Variants in GABRB1 observed in about 807,000 individuals in gnomAD.
GABRB1 encodes the protein gamma-aminobutyric acid receptor subunit beta-1.
Under a neutral mutation model 51.6 loss-of-function variants are expected in GABRB1, and 17 were observed. The ratio of observed to expected loss-of-function variants is 0.33; its 90% CI spans 0.23 to 0.49. The LOEUF (loss-of-function observed/expected upper bound fraction) is 0.49, where lower values mean the gene tolerates loss of function less well. Ranked by LOEUF, GABRB1 falls within the 20% of genes least tolerant of loss-of-function variation. The pLI, the probability that GABRB1 is intolerant of heterozygous loss-of-function variation, is 0.99. For synonymous variants in GABRB1, 247 were observed against 218.9 expected, an observed-to-expected ratio of 1.13 and a Z score of -1.14; for missense variants, 410 against 600.6, an observed-to-expected ratio of 0.68 and a Z score of 3.32.
intron 4 of GABRB1, among the ~76,000 whole-genome samples, chr4:47,302,877 A>G (rs933344421): frequency 1.3e-5 from 2 of 151,906 alleles, no homozygotes; most frequent in East Asian, 1.9e-4. Context: ...GTTTATCATG[A>G]CTTTTATTAT....
intron 4 of GABRB1, among the ~76,000 whole-genome samples, chr4:47,168,997 A>G (rs1718324734): frequency 6.6e-6 from 1 of 152,020 alleles, no homozygotes; most frequent in Non-Finnish European, 1.5e-5. Context: ...ATCACCAGTC[A>G]TATTGGATTA....
intron 3 of GABRB1, among the ~76,000 whole-genome samples, chr4:47,119,272 C>A (rs972258454): frequency 6.6e-6 from 1 of 151,730 alleles, no homozygotes; most frequent in Non-Finnish European, 1.5e-5. Context: ...TATTATACCC[C>A]AAATAAATTT....
chr4:47,202,966 T>G (rs927894812), intron 4 of GABRB1, among the ~76,000 whole-genome samples: 1 of 152,120 alleles, frequency 6.6e-6, no homozygotes, highest in Non-Finnish European at 1.5e-5. Flanking sequence ...GTCTATGAAG[T>G]TGGCAAGGGT....
intron 8 of GABRB1, among the ~76,000 whole-genome samples, chr4:47,417,302 A>G (rs1033846913): frequency 7.9e-5 from 12 of 152,030 alleles, no homozygotes; most frequent in African/African-American, 2.2e-4. Flanking sequence ...TATTTCCTGA[A>G]TAATATAATT....
At chr4:47,396,477 A>G (rs1011017826) in intron 5 of GABRB1, among the ~76,000 whole-genome samples, 1 of 152,218 alleles carries the variant, frequency 6.6e-6, no homozygotes, top group Admixed American at 6.5e-5. Flanking sequence ...ATTTTAATGA[A>G]TAATCCTGTA....
chr4:47,321,171 T>C (rs1725068446), intron 5 of GABRB1, among the ~76,000 whole-genome samples: 5 of 152,238 alleles, frequency 3.3e-5, no homozygotes. Context: ...AACATTACTA[T>C]AGTACCACTT....
At chr4:47,033,773 T>C (rs1228572151) in intron 3 of GABRB1, among the ~76,000 whole-genome samples, 1 of 152,216 alleles carries the variant, frequency 6.6e-6, no homozygotes, top group Non-Finnish European at 1.5e-5. Flanking sequence ...TATTTTGTAG[T>C]TGTAGCGGCT....
intron 3 of GABRB1, among the ~76,000 whole-genome samples, chr4:47,099,259 A>T (rs1714613630): frequency 6.6e-6 from 1 of 152,160 alleles, no homozygotes; most frequent in South Asian, 2.1e-4. Context: ...GCTGAGAAAT[A>T]GGAGTTTGAC....
chr4:46,999,484 G>T (rs570017992), intron 1 of GABRB1, among the ~76,000 whole-genome samples: 30 of 152,230 alleles, frequency 2.0e-4, no homozygotes, highest in African/African-American at 7.2e-4. Flanking sequence ...CAAATTAAAT[G>T]TCATTTAACA....
At chr4:47,041,051 C>T (rs1165737111) in intron 3 of GABRB1, among the ~76,000 whole-genome samples, 1 of 152,076 alleles carries the variant, frequency 6.6e-6, no homozygotes, top group Non-Finnish European at 1.5e-5. Flanking sequence ...CCTTCTGGAA[C>T]ATTGTGTTTC....
chr4:47,264,602 T>C (rs1003284765), intron 4 of GABRB1, among the ~76,000 whole-genome samples: 1 of 152,242 alleles, frequency 6.6e-6, no homozygotes, highest in African/African-American at 2.4e-5. Context: ...AACCATGAGA[T>C]GAAAACCTCT....
At chr4:47,252,232 A>G (rs1033792569) in intron 4 of GABRB1, among the ~76,000 whole-genome samples, 3 of 151,948 alleles carry the variant, frequency 2.0e-5, no homozygotes, top group Admixed American at 6.6e-5. Context: ...TTGGGTCTCT[A>G]AATTGACTCA....
At chr4:47,352,656 G>T (rs1182408930) in intron 5 of GABRB1, among the ~76,000 whole-genome samples, 1 of 151,986 alleles carries the variant, frequency 6.6e-6, no homozygotes, top group Non-Finnish European at 1.5e-5. Context: ...ACAGAATTTT[G>T]GTTTCTTTAG....
chr4:47,138,709 A>G (rs541164347), intron 3 of GABRB1, among the ~76,000 whole-genome samples: 3 of 152,226 alleles, frequency 2.0e-5, no homozygotes, highest in South Asian at 4.1e-4. Context: ...ATGCATAACC[A>G]TAGACCCAGA....
At chr4:47,214,792 C>T (rs1200121330) in intron 4 of GABRB1, among the ~76,000 whole-genome samples, 2 of 152,110 alleles carry the variant, frequency 1.3e-5, no homozygotes, top group Non-Finnish European at 2.9e-5. Context: ...CAGAATTTCT[C>T]CATGAGAGTA....
chr4:47,249,311 A>G (rs940111396), intron 4 of GABRB1, among the ~76,000 whole-genome samples: 2 of 152,026 alleles, frequency 1.3e-5, no homozygotes, highest in Non-Finnish European at 2.9e-5. Context: ...ATGTATTTGC[A>G]TGGTTTTGAA....
At chr4:47,407,014 T>A (rs1230539338) in intron 8 of GABRB1, 88 bp downstream of exon 8, 5 of 1,270,630 alleles carry the variant, frequency 3.9e-6, no homozygotes, top group Admixed American at 2.4e-5. Flanking sequence ...AAACGATTAA[T>A]AAAAAAATAG....
chr4:47,161,175 C>A, intron 3 of GABRB1, 74 bp from the exon 4 acceptor site: 1 of 1,003,340 alleles, frequency 1.0e-6, no homozygotes, highest in Non-Finnish European at 1.5e-6. Context: ...TACAGGACAT[C>A]CTACATGTTA....
intron 5 of GABRB1, among the ~76,000 whole-genome samples, chr4:47,354,980 G>GTTTTTTTTTGT (rs1726502353): frequency 2.3e-5 from 1 of 44,252 alleles, no homozygotes; most frequent in Non-Finnish European, 4.4e-5. Context: ...TTCTTCCTTT[G>GTTTTTTTTTGT]TTTTTTTTTT....
Sources: allele counts gnomAD v4.1 joint callset (sites outside exome capture counted in the v4.1 genomes callset), GRCh38; gene constraint gnomAD v4.1.1; transcripts MANE v1.5; gene names NCBI Gene and HGNC (gene_info 2026-07-23, HGNC 2026-07-21).